Variants in RSBN1L observed in about 807,000 individuals in gnomAD.
RSBN1L encodes lysine-specific demethylase RSBN1L.
Under a neutral mutation model 67.7 loss-of-function variants are expected in RSBN1L, and 30 were observed. That is an observed-to-expected ratio of 0.44 (90% CI 0.33 to 0.60). The LOEUF (loss-of-function observed/expected upper bound fraction) is 0.60. RSBN1L is among the 20% of genes least tolerant of loss of function. The pLI is 0.02. For synonymous variants in RSBN1L, 433 were observed against 387.0 expected (o/e 1.12, Z -1.39); for missense variants, 992 against 1,031.7 (o/e 0.96, Z 0.53).
chr7:77,764,060 A>G (rs907274114), intron 3 of RSBN1L, among the ~76,000 whole-genome samples: 4 of 152,240 alleles, frequency 2.6e-5, no homozygotes, highest in African/African-American at 4.8e-5. Flanking sequence ...CTTACCAGCT[A>G]TGATTGTAAG....
At chr7:77,707,292 G>A (rs1790906595) in intron 1 of RSBN1L, among the ~76,000 whole-genome samples, 1 of 152,138 alleles carries the variant, frequency 6.6e-6, no homozygotes. Flanking sequence ...CCAAAGTGCT[G>A]GGATTATAGG....
At chr7:77,731,568 T>C (rs180760380) in intron 1 of RSBN1L, among the ~76,000 whole-genome samples, 8 of 152,312 alleles carry the variant, frequency 5.3e-5, no homozygotes, top group Non-Finnish European at 1.2e-4. Context: ...TTTCTTATTA[T>C]TGAGTTTAAA....
chr7:77,771,565 A>G (rs1053397752), intron 5 of RSBN1L, among the ~76,000 whole-genome samples: 3 of 145,524 alleles, frequency 2.1e-5, no homozygotes, highest in East Asian at 4.0e-4. Flanking sequence ...GCTGGAGTGC[A>G]GTGGCACAAT....
intron 3 of RSBN1L, among the ~76,000 whole-genome samples, chr7:77,761,365 G>C (rs756982694): frequency 6.6e-6 from 1 of 152,240 alleles, no homozygotes; most frequent in East Asian, 1.9e-4. Flanking sequence ...ATGAGCCATG[G>C]TCTTTGTGAC....
At chr7:77,761,176 A>G (rs1791693265) in intron 3 of RSBN1L, among the ~76,000 whole-genome samples, 3 of 152,164 alleles carry the variant, frequency 2.0e-5, no homozygotes, top group African/African-American at 7.2e-5. Context: ...ATGTCACTTT[A>G]TTTTCAGTAT....
chr7:77,763,149 CTTT>C (rs11440608), intron 3 of RSBN1L, among the ~76,000 whole-genome samples: 1 of 126,950 alleles, frequency 7.9e-6, no homozygotes. Context: ...TATAATTTGA[CTTT>C]TTTTTTTTTT....
intron 5 of RSBN1L, among the ~76,000 whole-genome samples, chr7:77,769,422 A>C (rs1462255468): frequency 6.6e-6 from 1 of 152,246 alleles, no homozygotes; most frequent in African/African-American, 2.4e-5. Context: ...GTATTTAATG[A>C]ATAATGCTGG....
At chr7:77,737,976 T>TCACC (rs1362126434) in intron 2 of RSBN1L, among the ~76,000 whole-genome samples, 1 of 150,154 alleles carries the variant, frequency 6.7e-6, no homozygotes, top group Non-Finnish European at 1.5e-5. Flanking sequence ...TGAGCTGAGA[T>TCACC]CACCCCACTG....
At chr7:77,777,836 T>C (rs1207345008) in intron 6 of RSBN1L, among the ~76,000 whole-genome samples, 1 of 152,110 alleles carries the variant, frequency 6.6e-6, no homozygotes, top group Non-Finnish European at 1.5e-5. Flanking sequence ...CCTCAGCAAA[T>C]ACCAAGTTTA....
intron 1 of RSBN1L, among the ~76,000 whole-genome samples, chr7:77,713,596 T>A (rs1791005747): frequency 6.6e-6 from 1 of 151,972 alleles, no homozygotes; most frequent in Middle Eastern, 3.4e-3. Context: ...GACCTCATGA[T>A]CCACCCACCT....
intron 1 of RSBN1L, among the ~76,000 whole-genome samples, chr7:77,718,840 A>G (rs1305056289): frequency 6.6e-6 from 1 of 152,170 alleles, no homozygotes; most frequent in Non-Finnish European, 1.5e-5. Flanking sequence ...CCTCTGCTTC[A>G]CGCAGTGTTG....
rs760311269 is a variant in RSBN1L, at chr7:77,696,664, C to T, written c.195C>T (p.Asn65=). Residue 65 remains asparagine (N), a synonymous_variant, in exon 1 of 8, where the codon AAC becomes AAT. Transcript: ENST00000334955. The part of the protein sequence containing the change: ...RVNGEGGSGG[N]SRQLQPPAAP... Reference sequence around the variant, plus strand: ...ACGGAGAAGGGGGCAGCGGCGGGAACAGCAGGCAGCTGCAGCCGCCGGCAG... The same window carrying T: ...ACGGAGAAGGGGGCAGCGGCGGGAATAGCAGGCAGCTGCAGCCGCCGGCAG... The T allele has an allele frequency of 5.6e-6, 9 of 1,611,638 alleles. No individual in the cohort carries two copies. The highest frequency in any genetic ancestry group is 7.6e-6 in the Non-Finnish European group (9 of 1,179,254).
chr7:77,772,852 C>T (rs1328413147), intron 5 of RSBN1L, among the ~76,000 whole-genome samples: 1 of 152,176 alleles, frequency 6.6e-6, no homozygotes, highest in Non-Finnish European at 1.5e-5. Context: ...TGAGTGGGGG[C>T]ATGGTACCCA....
Position 77,780,435 on chromosome 7 carries a change from A to G in RSBN1L, c.*1267A>G, listed in dbSNP as rs929093297. 2 of 152,204 alleles carry G rather than the reference A, an allele frequency of 1.3e-5. No individual in the cohort carries two copies. The highest frequency in any genetic ancestry group is 4.8e-5 in the African/African-American group (2 of 41,448). 9.4% of individuals were successfully genotyped at this position (152,204 alleles called of 1,614,324 possible). A position where few individuals can be genotyped will look rare whatever the true frequency, so the allele number is the denominator to read the frequency against. On this transcript the variant is annotated 3_prime_UTR_variant, in exon 8 of 8. Coordinates refer to ENST00000334955, the MANE Select transcript of RSBN1L (RefSeq NM_198467.3). Reference sequence around the variant, plus strand: ...ACGTGGCCAGATTACATAGCCTACCATAGATTTTTTTTATTGTGTATGGGA... The same window carrying G: ...ACGTGGCCAGATTACATAGCCTACCGTAGATTTTTTTTATTGTGTATGGGA...
chr7:77,749,256 A>G (rs1791522947), intron 2 of RSBN1L, among the ~76,000 whole-genome samples, 168 bp from the exon 3 acceptor site: 2 of 152,200 alleles, frequency 1.3e-5, no homozygotes, highest in Admixed American at 1.3e-4. Flanking sequence ...TCTGTCTCAA[A>G]AAAGGCTGAC....
intron 1 of RSBN1L, among the ~76,000 whole-genome samples, chr7:77,701,218 G>A (rs1006230685): frequency 6.6e-6 from 1 of 150,806 alleles, no homozygotes; most frequent in East Asian, 1.9e-4. Flanking sequence ...TTCTGTAGCT[G>A]TCCTTACTGC....
intron 3 of RSBN1L, among the ~76,000 whole-genome samples, chr7:77,764,639 T>C (rs1791738742): frequency 6.6e-6 from 1 of 152,052 alleles, no homozygotes; most frequent in South Asian, 2.1e-4. Flanking sequence ...TTCTTTTTTT[T>C]TTTTTGAGAC....
chr7:77,703,477 G>GTTGTTTTT (rs1790845776), intron 1 of RSBN1L, among the ~76,000 whole-genome samples: 14 of 61,574 alleles, frequency 2.3e-4, no homozygotes, highest in African/African-American at 9.5e-4. Context: ...TACTGTTTGG[G>GTTGTTTTT]TTTTTTTTTT....
chr7:77,774,368 A>C (rs1791884519), intron 6 of RSBN1L, among the ~76,000 whole-genome samples: 1 of 152,096 alleles, frequency 6.6e-6, no homozygotes. Context: ...GGGTGGGATC[A>C]CCTGAGGTCA....
Sources: gnomAD v4.1 joint callset for allele counts (sites outside exome capture counted in the v4.1 genomes callset) on GRCh38, gnomAD v4.1.1 for gene constraint, MANE v1.5 for transcripts, NCBI Gene and HGNC (gene_info 2026-07-23, HGNC 2026-07-21) for gene names.